NUP153: variants seen among roughly 807,000 people sequenced by gnomAD.
The protein encoded by NUP153 is nuclear pore complex protein Nup153.
NUP153 carries 27 observed loss-of-function variants against 134.6 expected under a neutral mutation model. The ratio of observed to expected loss-of-function variants is 0.20; its 90% CI spans 0.15 to 0.28. NUP153 has a LOEUF of 0.28. Ranked by LOEUF, NUP153 falls within the 10% of genes least tolerant of loss-of-function variation. The probability of loss-of-function intolerance (pLI) is 1.00; values close to 1 mark genes in which losing one functional copy is unlikely to be tolerated. For missense variants in NUP153, 1,821 were observed against 1,731.3 expected, an observed-to-expected ratio of 1.05 and a Z score of -0.92; for synonymous variants, 640 against 623.5, an observed-to-expected ratio of 1.03 and a Z score of -0.40.
intron 1 of NUP153, among the ~76,000 whole-genome samples, chr6:17,702,255 A>C (rs914742417): frequency 3.3e-5 from 5 of 152,094 alleles, no homozygotes; most frequent in African/African-American, 4.8e-5. Context: ...TGCCTGTAAT[A>C]CCAGCACTTT....
rs145635881 is a variant in NUP153 at position 17,624,695 on chromosome 6, G to C, written c.4040C>G (p.Ser1347Cys). Residue 1347 changes from serine (S) to cysteine (C), a missense_variant, in exon 20 of 22, where the codon TCC (serine) becomes TGC (cysteine). Ser to Cys is a moderately radical substitution (Grantham distance 112, BLOSUM62 -1). Transcript: ENST00000262077. ...AGAACCAGTGGGAAATAATGCTGTGGAAGATGATATAGATCCAAAGCCTGG... is the reference window on the plus strand; with the variant it reads ...AGAACCAGTGGGAAATAATGCTGTGCAAGATGATATAGATCCAAAGCCTGG... ...NPPGFGSISS[S>C]TALFPTGSQP... The C allele has an allele frequency of 1.1e-5, 18 of 1,614,164 alleles. No individual in the cohort carries two copies. The African/African-American group carries it at 1.7e-4, about 16-fold the overall frequency.
intron 8 of NUP153, among the ~76,000 whole-genome samples, chr6:17,668,069 C>CTTTTTTTTTTTTTTTTTTTTTT: frequency 1.1e-5 from 1 of 87,228 alleles, no homozygotes; most frequent in Non-Finnish European, 2.1e-5. Flanking sequence ...GTTTACTGAA[C>CTTTTTTTTTTTTTTTTTTTTTT]TTTTTTTTTT....
intron 8 of NUP153, among the ~76,000 whole-genome samples, chr6:17,665,861 T>C (rs988089807): frequency 6.6e-6 from 1 of 150,736 alleles, no homozygotes; most frequent in African/African-American, 2.4e-5. Flanking sequence ...ATTTTTTTGG[T>C]TTTTTTTTGT....
At chr6:17,621,545 T>G (rs1215031772) in intron 20 of NUP153, among the ~76,000 whole-genome samples, 1 of 152,254 alleles carries the variant, frequency 6.6e-6, no homozygotes, top group Non-Finnish European at 1.5e-5. Context: ...TCTTGTCATT[T>G]ACTACAACAT....
Position 17,675,711 on chromosome 6 carries a change from G to C in NUP153, c.394C>G (p.His132Asp), listed in dbSNP as rs1449605937. The C allele has an allele frequency of 6.2e-7, 1 of 1,614,016 alleles. No homozygotes were observed. Among genetic ancestry groups the C allele is most frequent in the African/African-American group, 1.3e-5 (1 of 75,068 alleles). Residue 132 changes from histidine to aspartate, a missense_variant, in exon 3 of 22, where the codon CAT becomes GAT. Transcript: ENST00000262077. The surrounding 1 kb of genome is among the most constrained non-coding windows in gnomAD (Gnocchi z 4.4). ...YPDVLTRPSL[H>D]RSHLNFSMLE... ...ATGGAAAAATTCAGATGGCTCCGAT[G>C]AAGAGAAGGCCTTGTTAACACATCT...
Position 17,682,909 on chromosome 6 carries a change from C to T in NUP153, c.334+5487G>A, listed in dbSNP as rs971573885. ...CTCCAGAGTGGGTGACAGAGCAAGA[C>T]TGTCTCAAAAAAGAAGAAAAAAAAA... On this transcript the variant is annotated intron_variant, in intron 2 of 21. Coordinates refer to ENST00000262077, the MANE Select transcript of NUP153 (RefSeq NM_005124.4). 3.2e-5 allele frequency among the ~76,000 whole-genome samples: 4 copies of T among 124,976 alleles called. No homozygotes were observed. In the Admixed American group the frequency reaches 4.0e-4, roughly 12 times the overall value. 82.0% of individuals were successfully genotyped at this position (124,976 alleles called of 152,430 possible). A position where few individuals can be genotyped will look rare whatever the true frequency, so the allele number is the denominator to read the frequency against.
chr6:17,668,776 T>A (rs76736580), intron 8 of NUP153, among the ~76,000 whole-genome samples, 199 bp downstream of exon 8: 1,870 of 151,618 alleles, frequency 0.012, 40 homozygotes, highest in African/African-American at 0.042. Flanking sequence ...CTGGGAGCCA[T>A]AGGTCGCAGT....
intron 11 of NUP153, among the ~76,000 whole-genome samples, chr6:17,652,190 A>T (rs1766535172): frequency 6.6e-6 from 1 of 152,162 alleles, no homozygotes; most frequent in Non-Finnish European, 1.5e-5. Flanking sequence ...AAGAACAAAG[A>T]TCTAATACTA....
At chr6:17,647,143 G>GTA (rs1766241780) in intron 13 of NUP153, among the ~76,000 whole-genome samples, 1 of 152,070 alleles carries the variant, frequency 6.6e-6, no homozygotes, top group Admixed American at 6.6e-5. Flanking sequence ...CATTTGATCT[G>GTA]TAACATCTAC....
intron 5 of NUP153, among the ~76,000 whole-genome samples, chr6:17,673,855 T>C (rs1768058106): frequency 6.6e-6 from 1 of 152,174 alleles, no homozygotes; most frequent in African/African-American, 2.4e-5. Context: ...AACTCCTAGG[T>C]ATTTGTATTT....
At chr6:17,617,465 TAAAAAAAAAAAA>T (rs71002233) in intron 20 of NUP153, among the ~76,000 whole-genome samples, 2 of 105,778 alleles carry the variant, frequency 1.9e-5, no homozygotes, top group African/African-American at 3.8e-5. Context: ...TAGTGGGAAT[TAAAAAAAAAAAA>T]AAAAAAAAAG....
intron 14 of NUP153, among the ~76,000 whole-genome samples, chr6:17,643,332 C>T (rs1250251407): frequency 6.6e-6 from 1 of 152,148 alleles, no homozygotes; most frequent in Non-Finnish European, 1.5e-5. Context: ...ATTAGCCAGG[C>T]ATGGTGGCAG....
Position 17,616,695 on chromosome 6 carries a change from C to T in NUP153, c.4175G>A (p.Ser1392Asn), listed in dbSNP as rs140496420. The T allele has an allele frequency of 1.2e-6, 2 of 1,609,868 alleles. No individual in the cohort carries two copies. Among genetic ancestry groups the T allele is most frequent in the Non-Finnish European group, 8.5e-7 (1 of 1,177,354 alleles). Residue 1392 changes from serine to asparagine, a missense_variant and splice_region_variant, in exon 21 of 22, where the codon AGT (serine) becomes AAT (asparagine). Coordinates refer to ENST00000262077, the MANE Select transcript of NUP153 (RefSeq NM_005124.4). ...GCTGCTGCCAAACTGGAAAGCCGAACCTGCAATAGTTAAAGCAGAAATACT... is the reference window on the plus strand; with the variant it reads ...GCTGCTGCCAAACTGGAAAGCCGAATCTGCAATAGTTAAAGCAGAAATACT... The part of the protein sequence containing the change: ...AFGSGTTPNS[S>N]SAFQFGSSTT...
intron 11 of NUP153, among the ~76,000 whole-genome samples, chr6:17,651,312 A>C (rs182182532): frequency 6.6e-6 from 1 of 152,150 alleles, no homozygotes; most frequent in African/African-American, 2.4e-5. Flanking sequence ...AAAAACAAAA[A>C]CAAAACCAAT....
At chr6:17,652,359 T>C (rs1299272287) in intron 11 of NUP153, among the ~76,000 whole-genome samples, 1 of 152,152 alleles carries the variant, frequency 6.6e-6, no homozygotes, top group Non-Finnish European at 1.5e-5. Flanking sequence ...AATGAAATTA[T>C]ATTAGAAATC....
At chr6:17,631,150 C>A (rs1432836234) in intron 17 of NUP153, among the ~76,000 whole-genome samples, 26 of 152,170 alleles carry the variant, frequency 1.7e-4, no homozygotes, top group African/African-American at 6.0e-4. Flanking sequence ...ACCAGCACTT[C>A]TCTTTTAAAA....
chr6:17,637,872 TTAC>T (rs1416311943), intron 15 of NUP153, 102 bp from the exon 16 acceptor site: 1 of 1,264,440 alleles, frequency 7.9e-7, no homozygotes, highest in Non-Finnish European at 1.1e-6. Flanking sequence ...CACTGCACAC[TTAC>T]TACAATCCAA....
At chr6:17,697,175 A>AT (rs1238387937) in intron 1 of NUP153, among the ~76,000 whole-genome samples, 10 of 152,200 alleles carry the variant, frequency 6.6e-5, no homozygotes, top group African/African-American at 2.4e-4. Context: ...AAAGGAGTGA[A>AT]TTTTAGAATG....
At chr6:17,635,256 C>T (rs2113781387) in intron 16 of NUP153, among the ~76,000 whole-genome samples, 1 of 152,004 alleles carries the variant, frequency 6.6e-6, no homozygotes, top group Middle Eastern at 3.4e-3. Flanking sequence ...ACTACAGGCA[C>T]CCGCCACCAC....
Sources: allele counts gnomAD v4.1 joint callset (sites outside exome capture counted in the v4.1 genomes callset), GRCh38; gene constraint gnomAD v4.1.1; non-coding constraint Gnocchi (gnomAD v3.1); transcripts MANE v1.5; gene names NCBI Gene and HGNC (gene_info 2026-07-23, HGNC 2026-07-21).